IFT74: variants seen among roughly 807,000 people sequenced by gnomAD.
IFT74 encodes the protein intraflagellar transport protein 74 homolog.
Under a neutral mutation model 96.7 loss-of-function variants are expected in IFT74, and 92 were observed. The observed-to-expected ratio is 0.95, with a 90% confidence interval of 0.80 to 1.13. The LOEUF is 1.13. IFT74 is among the 50% of genes most tolerant of loss of function. The pLI is 0.00. For synonymous variants in IFT74, 223 were observed against 213.2 expected, an observed-to-expected ratio of 1.05 and a Z score of -0.40; for missense variants, 811 against 698.2, an observed-to-expected ratio of 1.16 and a Z score of -1.82.
chr9:27,008,257 C>T (rs571411224), intron 8 of IFT74, among the ~76,000 whole-genome samples: 2 of 152,278 alleles, frequency 1.3e-5, no homozygotes, highest in South Asian at 2.1e-4. Context: ...TCTGTCAGAG[C>T]CACACTGGAT....
In IFT74 at chr9:26,958,764, G is replaced by A. The variant is rs141230366; in HGVS notation, c.-20+2248G>A. On this transcript the variant is annotated intron_variant, in intron 1 of 19. Coordinates refer to ENST00000380062, the MANE Select transcript of IFT74 (RefSeq NM_025103.4). ...ACCGCAAGCTGAGTGCTAAAATAAG[G>A]AAGTTGTGTGGAATCAGTTTATTAA... 5.9e-5 allele frequency among the ~76,000 whole-genome samples: 9 copies of A among 152,306 alleles called. No individual in the cohort carries two copies. In the East Asian group the frequency reaches 9.7e-4, roughly 16 times the overall value.
intron 19 of IFT74, 77 bp downstream of exon 19, chr9:27,060,728 G>A (rs1820380091): frequency 2.0e-6 from 2 of 993,618 alleles, no homozygotes; most frequent in Non-Finnish European, 3.0e-6. Flanking sequence ...GGAGGCCGAG[G>A]CAGGTGGGCC....
chr9:27,028,556 G>GAC (rs1423454120), intron 12 of IFT74, among the ~76,000 whole-genome samples: 4 of 152,114 alleles, frequency 2.6e-5, no homozygotes, highest in Non-Finnish European at 5.9e-5. Context: ...AAGAGATCGA[G>GAC]ACCATCATGG....
At chr9:27,060,333 G>A (rs532148097) in intron 18 of IFT74, among the ~76,000 whole-genome samples, 1 of 151,834 alleles carries the variant, frequency 6.6e-6, no homozygotes, top group East Asian at 1.9e-4. Context: ...TCTTTCAGTT[G>A]GCATGTTCAT....
At chr9:27,009,254 G>A in intron 9 of IFT74, 96 bp downstream of exon 9, 1 of 1,083,970 alleles carries the variant, frequency 9.2e-7, no homozygotes, top group African/African-American at 1.6e-5. Flanking sequence ...CTGAGAACTT[G>A]ACTATACTTT....
At chr9:26,964,013 G>C (rs1357297941) in intron 2 of IFT74, among the ~76,000 whole-genome samples, 16 of 150,366 alleles carry the variant, frequency 1.1e-4, no homozygotes, top group African/African-American at 3.7e-4. Context: ...ATTGCTTTTG[G>C]TGTTTTAGAC....
chr9:27,032,897 AAC>A (rs1830190057), intron 13 of IFT74, among the ~76,000 whole-genome samples: 3 of 152,124 alleles, frequency 2.0e-5, no homozygotes, highest in African/African-American at 7.2e-5. Context: ...AAGTCTTTTA[AAC>A]TACTTAAAAT....
intron 13 of IFT74, among the ~76,000 whole-genome samples, chr9:27,031,667 A>C (rs554498588): frequency 2.7e-5 from 4 of 147,648 alleles, no homozygotes; most frequent in African/African-American, 1.0e-4. Context: ...GTGTGACAAC[A>C]TAGCTCACTG....
intron 11 of IFT74, among the ~76,000 whole-genome samples, chr9:27,017,583 T>A (rs1330605750): frequency 6.6e-6 from 1 of 152,218 alleles, no homozygotes; most frequent in Non-Finnish European, 1.5e-5. Context: ...TACTTGAAAC[T>A]CTTCTTTATT....
chr9:27,051,641 A>G (rs755389976), intron 16 of IFT74, among the ~76,000 whole-genome samples: 1 of 152,214 alleles, frequency 6.6e-6, no homozygotes, highest in Non-Finnish European at 1.5e-5. Context: ...GAGTCTGACT[A>G]CTTTAAATTA....
In IFT74 at chr9:27,055,706, G is replaced by A; in HGVS notation, c.1431G>A (p.Met477Ile). The change falls in exon 17 of 20, where the codon ATG becomes ATA. Residue 477 changes from methionine (M) to isoleucine (I), a missense_variant. Transcript: ENST00000380062. ...QHSLKSKIKQ[M>I]TTDLEIYNDL... ...CTCTAAAAAGCAAAATTAAGCAAAT[G>A]ACAACTGATCTGGAGATATATAATG... 6.3e-7 allele frequency: 1 copy of A among 1,594,106 alleles called. No homozygotes were observed. The highest frequency in any genetic ancestry group is 1.2e-5 in the South Asian group (1 of 86,918).
At chr9:26,982,549 G>A (rs377168405) in intron 4 of IFT74, 44 of 287,912 alleles carry the variant, frequency 1.5e-4, no homozygotes, top group East Asian at 3.9e-4. Context: ...TCCGCCTCCC[G>A]GGTTCAAGTG....
chr9:26,957,999 C>A (rs570397645), intron 1 of IFT74, among the ~76,000 whole-genome samples: 1 of 152,206 alleles, frequency 6.6e-6, no homozygotes, highest in Non-Finnish European at 1.5e-5. Flanking sequence ...GTGATCCACC[C>A]GCCTCGGCCT....
chr9:26,970,561 A>T (rs4977724), intron 2 of IFT74, among the ~76,000 whole-genome samples: 1 of 152,342 alleles, frequency 6.6e-6, no homozygotes, highest in South Asian at 2.1e-4. Context: ...GTGAATGGAA[A>T]ACAAAAAGTA....
intron 12 of IFT74, among the ~76,000 whole-genome samples, chr9:27,027,139 C>T (rs1053694297): frequency 2.6e-5 from 4 of 151,938 alleles, no homozygotes; most frequent in Non-Finnish European, 4.4e-5. Flanking sequence ...ATGGGAGATA[C>T]TACAACCAAT....
At chr9:27,036,167 A>G (rs1819171076) in intron 13 of IFT74, among the ~76,000 whole-genome samples, 1 of 152,192 alleles carries the variant, frequency 6.6e-6, no homozygotes, top group African/African-American at 2.4e-5. Flanking sequence ...CTTCATCCTC[A>G]TTGTCTTCAC....
At chr9:26,953,483 G>A (rs531500491), upstream of IFT74, among the ~76,000 whole-genome samples, 1 of 152,248 alleles carries the variant, frequency 6.6e-6, no homozygotes, top group East Asian at 1.9e-4. Context: ...TGGAGTTACT[G>A]GGTCAAAGGA....
chr9:27,059,459 C>A (rs1161191133), intron 18 of IFT74, among the ~76,000 whole-genome samples: 1 of 152,164 alleles, frequency 6.6e-6, no homozygotes, highest in Non-Finnish European at 1.5e-5. Flanking sequence ...TTATACCATT[C>A]CTGTAGCACT....
intron 9 of IFT74, among the ~76,000 whole-genome samples, chr9:27,010,021 G>A (rs1231002756): frequency 1.3e-5 from 2 of 148,776 alleles, no homozygotes; most frequent in Non-Finnish European, 3.0e-5. Context: ...ACGGAGTCTC[G>A]CTCTGTCGCC....
Sources: gnomAD v4.1 joint callset for allele counts (sites outside exome capture counted in the v4.1 genomes callset) on GRCh38, gnomAD v4.1.1 for gene constraint, MANE v1.5 for transcripts, NCBI Gene and HGNC (gene_info 2026-07-23, HGNC 2026-07-21) for gene names.